FBXL7: variants seen among roughly 807,000 people sequenced by gnomAD.
FBXL7 encodes F-box and leucine rich repeat protein 7.
FBXL7 carries 12 observed loss-of-function variants against 38.3 expected under a neutral mutation model. The observed-to-expected ratio is 0.31, with a 90% CI of 0.20 to 0.51. FBXL7 has a LOEUF of 0.51. Ranked by LOEUF, FBXL7 falls within the 20% of genes least tolerant of loss-of-function variation. The pLI, the probability that FBXL7 is intolerant of heterozygous loss-of-function variation, is 0.98. For missense variants in FBXL7, 567 were observed against 676.4 expected (o/e 0.84, Z 1.79); for synonymous variants, 297 against 300.9 (o/e 0.99, Z 0.13).
At position 15,801,634 on chromosome 5, in the gene FBXL7, A is replaced by AGTGTGTGTGT. The variant is rs71605509; in HGVS notation, c.128-126242_128-126233dup. 6.3e-3 allele frequency among the ~76,000 whole-genome samples: 936 copies of AGTGTGTGTGT among 147,772 alleles called. 10 individuals carry two copies. Among genetic ancestry groups the AGTGTGTGTGT allele is most frequent in the African/African-American group, 0.022 (872 of 39,584 alleles). ...ATAGATATTCATTGAAGGGGGAGTC[A>AGTGTGTGTGT]GTGTGTGTGTGTGTGTGTGTGTGCG... On this transcript the variant is annotated intron_variant, in intron 2 of 3. Transcript: ENST00000504595.
chr5:15,519,086 G>A (rs1347776382), intron 1 of FBXL7, among the ~76,000 whole-genome samples: 3 of 152,092 alleles, frequency 2.0e-5, no homozygotes, highest in Non-Finnish European at 4.4e-5. Flanking sequence ...GCTCATGCTG[G>A]TAATCCTGGC....
chr5:15,731,997 A>G (rs774432713), intron 2 of FBXL7, among the ~76,000 whole-genome samples: 1 of 152,238 alleles, frequency 6.6e-6, no homozygotes, highest in Non-Finnish European at 1.5e-5. Flanking sequence ...CAGTGAAAAA[A>G]ATGCATGAAC....
chr5:15,570,562 G>A (rs1405172685), intron 1 of FBXL7, among the ~76,000 whole-genome samples: 1 of 151,862 alleles, frequency 6.6e-6, no homozygotes, highest in Non-Finnish European at 1.5e-5. Context: ...AATATACAAC[G>A]AGCAAGTCTA....
At chr5:15,815,227 T>G (rs553799808) in intron 2 of FBXL7, among the ~76,000 whole-genome samples, 1 of 152,292 alleles carries the variant, frequency 6.6e-6, no homozygotes, top group Admixed American at 6.5e-5. Flanking sequence ...GCTAATTATC[T>G]CATTGATTGA....
intron 2 of FBXL7, among the ~76,000 whole-genome samples, chr5:15,754,991 T>C (rs1163127369): frequency 1.3e-5 from 2 of 152,174 alleles, no homozygotes; most frequent in East Asian, 3.9e-4. Context: ...GTTGTGATGT[T>C]TTTCTTGAAT....
At chr5:15,799,532 T>G (rs918461799) in intron 2 of FBXL7, among the ~76,000 whole-genome samples, 1 of 151,966 alleles carries the variant, frequency 6.6e-6, no homozygotes, top group Admixed American at 6.6e-5. Context: ...CTGGCTAATT[T>G]TGTATTTTTA....
At position 15,831,924 on chromosome 5, in the gene FBXL7, C is replaced by A. The variant is rs115511879; in HGVS notation, c.128-95966C>A. 4.6e-3 allele frequency among the ~76,000 whole-genome samples: 699 copies of A among 152,250 alleles called. 3 individuals are homozygous for A. The highest frequency in any genetic ancestry group is 0.016 in the African/African-American group (659 of 41,560). On this transcript the variant is annotated intron_variant, in intron 2 of 3. Transcript: ENST00000504595. ...GCCCATGGCCCTTGCTCTGTCCACA[C>A]CCCTCAAGCCCTCTTCCAAGGATGG...
intron 2 of FBXL7, among the ~76,000 whole-genome samples, chr5:15,772,726 A>G (rs1379132750): frequency 2.6e-5 from 4 of 152,276 alleles, no homozygotes; most frequent in Admixed American, 6.5e-5. Flanking sequence ...TAGTGGAGGG[A>G]AGAGCTAATT....
At chr5:15,616,589 C>T (rs1332830208) in intron 2 of FBXL7, among the ~76,000 whole-genome samples, 1 of 152,130 alleles carries the variant, frequency 6.6e-6, no homozygotes, top group Admixed American at 6.5e-5. Flanking sequence ...TCCTTCCTGT[C>T]AGGACAAAGA....
At chr5:15,574,534 C>T (rs1738895537) in intron 1 of FBXL7, among the ~76,000 whole-genome samples, 1 of 152,170 alleles carries the variant, frequency 6.6e-6, no homozygotes, top group Non-Finnish European at 1.5e-5. Flanking sequence ...CATTTTTAAA[C>T]ATTCATAAAC....
chr5:15,633,357 A>T (rs1362421617), intron 2 of FBXL7, among the ~76,000 whole-genome samples: 1 of 152,198 alleles, frequency 6.6e-6, no homozygotes, highest in Non-Finnish European at 1.5e-5. Flanking sequence ...TGTCAACATA[A>T]GTTTAGATTT....
At chr5:15,553,097 A>C (rs200429186) in intron 1 of FBXL7, among the ~76,000 whole-genome samples, 21,242 of 150,984 alleles carry the variant, frequency 0.14, 1,710 homozygotes, top group East Asian at 0.19. Context: ...AAAAAACAAA[A>C]AAAAACCCAA....
intron 2 of FBXL7, among the ~76,000 whole-genome samples, chr5:15,718,586 A>G (rs1744108578): frequency 6.6e-6 from 1 of 152,234 alleles, no homozygotes. Context: ...AGGCATCGTG[A>G]TAATCACAAG....
chr5:15,652,557 G>A (rs1007968526), intron 2 of FBXL7, among the ~76,000 whole-genome samples: 1 of 152,166 alleles, frequency 6.6e-6, no homozygotes, highest in African/African-American at 2.4e-5. Flanking sequence ...TGAGCCATAA[G>A]CCTGGCCAAG....
intron 1 of FBXL7, among the ~76,000 whole-genome samples, chr5:15,569,380 G>A: frequency 1.3e-5 from 2 of 150,564 alleles, no homozygotes; most frequent in Non-Finnish European, 3.0e-5. Context: ...CTCATGATTT[G>A]GCTCTCTGTT....
At chr5:15,919,633 G>A (rs891562771) in intron 2 of FBXL7, among the ~76,000 whole-genome samples, 4 of 152,076 alleles carry the variant, frequency 2.6e-5, no homozygotes, top group South Asian at 2.1e-4. Flanking sequence ...AAAAAAGTAC[G>A]GTTACATATA....
intron 2 of FBXL7, among the ~76,000 whole-genome samples, chr5:15,771,287 T>C (rs1736722928): frequency 1.3e-5 from 2 of 152,206 alleles, no homozygotes; most frequent in African/African-American, 4.8e-5. Context: ...CTCTGATAAA[T>C]GTAGCCTTGC....
rs181060344 is a variant in FBXL7 at position 15,521,534 on chromosome 5, C to A, written c.37+20821C>A. Among the ~76,000 whole-genome samples, 13 of 152,268 alleles carry A rather than the reference C, an allele frequency of 8.5e-5. No individual in the cohort carries two copies. The East Asian group carries it at 2.5e-3, about 29-fold the overall frequency. ...TGCATTGTCTAGTCTAGCCCTTGTCCATTACTCTGCATTGTGTATTTGGGC... is the reference window on the plus strand; with the variant it reads ...TGCATTGTCTAGTCTAGCCCTTGTCAATTACTCTGCATTGTGTATTTGGGC... On this transcript the variant is annotated intron_variant, in intron 1 of 3. Transcript: ENST00000504595.
chr5:15,853,303 T>G (rs1176019196), intron 2 of FBXL7, among the ~76,000 whole-genome samples: 2 of 152,130 alleles, frequency 1.3e-5, no homozygotes, highest in Non-Finnish European at 2.9e-5. Flanking sequence ...AGAGGGGCCA[T>G]GAGCAGTCTC....
Sources: gnomAD v4.1 joint callset for allele counts (sites outside exome capture counted in the v4.1 genomes callset) on GRCh38, gnomAD v4.1.1 for gene constraint, MANE v1.5 for transcripts, NCBI Gene and HGNC (gene_info 2026-07-23, HGNC 2026-07-21) for gene names.